Variants in DACH1 observed in about 807,000 individuals in gnomAD.
DACH1 encodes the protein dachshund family transcription factor 1, also known as dachshund homolog 1.
In DACH1, 12 loss-of-function variants were observed where a neutral mutation model predicts 54.2. The ratio of observed to expected loss-of-function variants is 0.22; its 90% CI spans 0.14 to 0.36. The LOEUF is 0.36. Ranked by LOEUF, DACH1 falls within the 10% of genes least tolerant of loss-of-function variation. The probability of loss-of-function intolerance (pLI) is 1.00; values close to 1 mark genes in which losing one functional copy is unlikely to be tolerated. For missense variants in DACH1, 805 were observed against 929.8 expected, an observed-to-expected ratio of 0.87 and a Z score of 1.75; for synonymous variants, 386 against 366.2, an observed-to-expected ratio of 1.05 and a Z score of -0.62.
At chr13:71,753,617 T>A (rs1037765140) in intron 1 of DACH1, among the ~76,000 whole-genome samples, 1 of 152,160 alleles carries the variant, frequency 6.6e-6, no homozygotes, top group African/African-American at 2.4e-5. Context: ...CCAGTAATAG[T>A]ATGAAGAAAA....
intron 10 of DACH1, among the ~76,000 whole-genome samples, chr13:71,454,379 T>TCC (rs1875360310): frequency 6.6e-6 from 1 of 152,150 alleles, no homozygotes; most frequent in Non-Finnish European, 1.5e-5. Flanking sequence ...CCTCCTACAA[T>TCC]TACAGCCATA....
intron 1 of DACH1, among the ~76,000 whole-genome samples, chr13:71,838,780 C>G (rs1888901780): frequency 6.6e-6 from 1 of 152,188 alleles, no homozygotes; most frequent in African/African-American, 2.4e-5. Flanking sequence ...CACTTGTCCT[C>G]CCATTAGCAT....
intron 3 of DACH1, among the ~76,000 whole-genome samples, chr13:71,618,802 T>C (rs76762952): frequency 0.046 from 6,932 of 151,876 alleles, 261 homozygotes; most frequent in Admixed American, 0.096. Flanking sequence ...AATAAATGCT[T>C]TATTGATGAT....
chr13:71,604,366 C>G (rs901697968), intron 3 of DACH1, among the ~76,000 whole-genome samples: 2 of 151,736 alleles, frequency 1.3e-5, no homozygotes, highest in Non-Finnish European at 2.9e-5. Context: ...AACAGACAAG[C>G]TAAATTTTTC....
chr13:71,785,727 A>G (rs1886564667), intron 1 of DACH1, among the ~76,000 whole-genome samples: 1 of 152,226 alleles, frequency 6.6e-6, no homozygotes, highest in South Asian at 2.1e-4. Flanking sequence ...CATAATCCCA[A>G]TCCCTAGAAA....
intron 3 of DACH1, among the ~76,000 whole-genome samples, chr13:71,584,460 A>C (rs1873081408): frequency 6.6e-6 from 1 of 152,174 alleles, no homozygotes; most frequent in Non-Finnish European, 1.5e-5. Flanking sequence ...CAATAATGGA[A>C]AGACGACTTG....
chr13:71,494,798 C>T (rs1879268642), intron 6 of DACH1, among the ~76,000 whole-genome samples: 1 of 151,722 alleles, frequency 6.6e-6, no homozygotes, highest in African/African-American at 2.4e-5. Flanking sequence ...AAATGAGAAA[C>T]CAGAAATGGA....
intron 1 of DACH1, among the ~76,000 whole-genome samples, chr13:71,728,727 G>T (rs951168213): frequency 6.6e-5 from 10 of 151,952 alleles, no homozygotes; most frequent in African/African-American, 2.4e-4. Context: ...CCATGCCTGA[G>T]ACACTACTGA....
intron 1 of DACH1, among the ~76,000 whole-genome samples, chr13:71,687,798 C>G (rs1418386577): frequency 6.6e-6 from 1 of 152,014 alleles, no homozygotes; most frequent in African/African-American, 2.4e-5. Context: ...TTGTAAAGAG[C>G]GAGTTTCACC....
chr13:71,501,073 C>T (rs1437312977), intron 6 of DACH1, among the ~76,000 whole-genome samples: 1 of 152,082 alleles, frequency 6.6e-6, no homozygotes, highest in Non-Finnish European at 1.5e-5. Flanking sequence ...GCCCCTGGTT[C>T]GAGATGTCCT....
At chr13:71,578,012 T>A (rs1040964378) in intron 3 of DACH1, among the ~76,000 whole-genome samples, 1 of 152,136 alleles carries the variant, frequency 6.6e-6, no homozygotes, top group Admixed American at 6.6e-5. Context: ...AGAAGACACA[T>A]AAAATAAACA....
intron 10 of DACH1, among the ~76,000 whole-genome samples, chr13:71,440,932 T>C (rs1403044308): frequency 1.3e-5 from 2 of 152,026 alleles, no homozygotes; most frequent in Non-Finnish European, 2.9e-5. Flanking sequence ...TATTTTGATA[T>C]CAGTTCCAGA....
chr13:71,709,492 T>C (rs1002096384), intron 1 of DACH1, among the ~76,000 whole-genome samples: 1 of 152,006 alleles, frequency 6.6e-6, no homozygotes, highest in Non-Finnish European at 1.5e-5. Flanking sequence ...AGGCCATGTA[T>C]ACCCACTCTT....
chr13:71,471,642 C>T lies in DACH1; in HGVS notation c.2083+3499G>A, dbSNP rs866820589. Among the ~76,000 whole-genome samples, 8 of 151,796 alleles carry T rather than the reference C, an allele frequency of 5.3e-5. 1 individual carries two copies. Among genetic ancestry groups the T allele is most frequent in the South Asian group, 4.2e-4 (2 of 4,798 alleles). ...TGGTGCACGCCCGTAGTCCCAGCTA[C>T]TCAGGAGGCTGAGGCAGGAGAATCG... is the stretch of plus-strand genomic sequence containing the variant. On this transcript the variant is annotated intron_variant, in intron 10 of 10. Transcript: ENST00000613252.
At chr13:71,831,737 A>T (rs1888598359) in intron 1 of DACH1, among the ~76,000 whole-genome samples, 1 of 152,024 alleles carries the variant, frequency 6.6e-6, no homozygotes, top group Admixed American at 6.6e-5. Context: ...CAGCTATAAA[A>T]AGGTAATCCA....
chr13:71,857,192 G>T (rs1271637478), intron 1 of DACH1, among the ~76,000 whole-genome samples: 1 of 151,378 alleles, frequency 6.6e-6, no homozygotes, highest in Non-Finnish European at 1.5e-5. Context: ...TCATAAAAAA[G>T]GTTTAGAAAA....
At chr13:71,521,337 G>A (rs901878151) in intron 6 of DACH1, among the ~76,000 whole-genome samples, 2 of 151,828 alleles carry the variant, frequency 1.3e-5, no homozygotes, top group African/African-American at 4.8e-5. Context: ...TTTATAATAG[G>A]TTATGATTTT....
intron 1 of DACH1, among the ~76,000 whole-genome samples, chr13:71,807,804 C>A (rs1887570164): frequency 6.6e-6 from 1 of 152,134 alleles, no homozygotes; most frequent in Non-Finnish European, 1.5e-5. Flanking sequence ...ATATCTCTCA[C>A]TTCAAAATCC....
At chr13:71,559,571 T>C (rs1884457944) in intron 5 of DACH1, among the ~76,000 whole-genome samples, 2 of 152,318 alleles carry the variant, frequency 1.3e-5, no homozygotes, top group Non-Finnish European at 2.9e-5. Context: ...ACTTATTTTC[T>C]CTGTTTCATA....
Sources: allele counts gnomAD v4.1 joint callset (sites outside exome capture counted in the v4.1 genomes callset), GRCh38; gene constraint gnomAD v4.1.1; transcripts MANE v1.5; gene names NCBI Gene and HGNC (gene_info 2026-07-23, HGNC 2026-07-21).